NDST4: variants seen among roughly 807,000 people sequenced by gnomAD.
The protein encoded by NDST4 is N-deacetylase and N-sulfotransferase 4.
A neutral mutation model predicts 100.8 loss-of-function variants in NDST4; 63 were observed. The observed-to-expected ratio is 0.62, with a 90% CI of 0.51 to 0.77. NDST4 has a LOEUF of 0.77. NDST4 is among the 30% of genes least tolerant of loss of function. The pLI is 0.00. For missense variants in NDST4, 943 were observed against 1,018.4 expected (o/e 0.93, Z 1.01); for synonymous variants, 377 against 361.8 (o/e 1.04, Z -0.48).
At chr4:115,046,893 T>TA (rs1195803575) in intron 2 of NDST4, among the ~76,000 whole-genome samples, 1 of 152,110 alleles carries the variant, frequency 6.6e-6, no homozygotes, top group Non-Finnish European at 1.5e-5. Flanking sequence ...TATTAACTCT[T>TA]AAAAATGACT....
chr4:115,025,029 T>C (rs1578464287), intron 2 of NDST4, among the ~76,000 whole-genome samples: 1 of 152,214 alleles, frequency 6.6e-6, no homozygotes, highest in Admixed American at 6.5e-5. Flanking sequence ...ACAAAGGCCC[T>C]TAGCAGATGC....
intron 12 of NDST4, among the ~76,000 whole-genome samples, chr4:114,832,904 C>A (rs72679752): frequency 0.058 from 8,797 of 152,178 alleles, 324 homozygotes; most frequent in East Asian, 0.1. Context: ...CCATGCCAGT[C>A]CAGGATTCAG....
chr4:114,922,584 TTCCC>T (rs1471681935), intron 6 of NDST4, among the ~76,000 whole-genome samples: 1 of 152,160 alleles, frequency 6.6e-6, no homozygotes, highest in Non-Finnish European at 1.5e-5. Context: ...TTAACAAACG[TTCCC>T]TCCTGCTCTG....
intron 3 of NDST4, among the ~76,000 whole-genome samples, chr4:114,974,174 A>G (rs893922073): frequency 3.9e-5 from 6 of 152,048 alleles, no homozygotes; most frequent in Non-Finnish European, 7.4e-5. Flanking sequence ...AAATTTAAGT[A>G]AACTGTGTTC....
At chr4:114,917,501 C>T (rs1043288112) in intron 6 of NDST4, among the ~76,000 whole-genome samples, 2 of 151,820 alleles carry the variant, frequency 1.3e-5, no homozygotes, top group Admixed American at 6.6e-5. Flanking sequence ...ACAATAGGGA[C>T]TTTGGAACTC....
intron 6 of NDST4, among the ~76,000 whole-genome samples, chr4:114,872,451 TTGAA>T (rs1724168707): frequency 6.6e-6 from 1 of 152,136 alleles, no homozygotes; most frequent in Middle Eastern, 3.4e-3. Flanking sequence ...AGTTCGTTGT[TTGAA>T]TGCCCTTTTT....
chr4:115,055,613 A>C (rs191161801), intron 2 of NDST4, among the ~76,000 whole-genome samples: 7 of 152,174 alleles, frequency 4.6e-5, no homozygotes, highest in Admixed American at 3.3e-4. Flanking sequence ...GTCCAAATAG[A>C]TTTGGGGGCC....
chr4:115,074,052 T>C (rs1257222422), intron 2 of NDST4, among the ~76,000 whole-genome samples: 2 of 151,914 alleles, frequency 1.3e-5, no homozygotes, highest in African/African-American at 2.4e-5. Context: ...ATAAATATTA[T>C]ATATTACTCA....
intron 7 of NDST4, among the ~76,000 whole-genome samples, chr4:114,854,780 A>G (rs986112600): frequency 6.6e-6 from 1 of 152,138 alleles, no homozygotes; most frequent in African/African-American, 2.4e-5. Context: ...CTTTTTTAGA[A>G]TATTTTTAAT....
chr4:114,852,905 A>C, intron 7 of NDST4, 84 bp from the exon 8 acceptor site: 1 of 903,168 alleles, frequency 1.1e-6, no homozygotes, highest in Non-Finnish European at 1.7e-6. Context: ...GATGGAATCA[A>C]ATTCTGGCCT....
In NDST4 at chr4:114,944,123, A is replaced by G. The variant is rs571428285; in HGVS notation, c.1222-6620T>C. On this transcript the variant is annotated intron_variant, in intron 4 of 13. Transcript: ENST00000264363. Reference sequence around the variant, plus strand: ...AAGTGGCCTGTCCATTACCACTGCCACCTCTTTCCACCCTGCTCTATAATT... The same window carrying G: ...AAGTGGCCTGTCCATTACCACTGCCGCCTCTTTCCACCCTGCTCTATAATT... Among the ~76,000 whole-genome samples the G allele has an allele frequency of 3.9e-5, 6 of 152,188 alleles. No homozygotes were observed. In the East Asian group the frequency reaches 1.2e-3, roughly 29 times the overall value.
chr4:114,913,732 A>G (rs1009622245), intron 6 of NDST4, among the ~76,000 whole-genome samples: 15 of 21,162 alleles, frequency 7.1e-4, no homozygotes, highest in Non-Finnish European at 1.0e-4. Context: ...TATCTCCAAG[A>G]AAAAAAAAAA....
chr4:115,094,393 T>C (rs942281360), intron 1 of NDST4, among the ~76,000 whole-genome samples: 1 of 152,070 alleles, frequency 6.6e-6, no homozygotes, highest in African/African-American at 2.4e-5. Context: ...GTAATAGCTG[T>C]CAACCTTATT....
At chr4:115,041,642 T>C (rs1268503612) in intron 2 of NDST4, among the ~76,000 whole-genome samples, 1 of 152,108 alleles carries the variant, frequency 6.6e-6, no homozygotes, top group African/African-American at 2.4e-5. Flanking sequence ...GAAGTTAATT[T>C]AATCACAGAC....
intron 10 of NDST4, among the ~76,000 whole-genome samples, chr4:114,844,727 G>A (rs760879502): frequency 7.9e-5 from 12 of 152,130 alleles, no homozygotes; most frequent in Non-Finnish European, 1.8e-4. Flanking sequence ...ACAGTTAAAT[G>A]TTGCTGCAGA....
chr4:115,024,165 T>C (rs937586355), intron 2 of NDST4, among the ~76,000 whole-genome samples: 4 of 152,066 alleles, frequency 2.6e-5, no homozygotes, highest in Non-Finnish European at 5.9e-5. Context: ...ACTAGGAAAA[T>C]GCCCAGCAAA....
chr4:114,890,761 T>C (rs1031776350), intron 6 of NDST4, among the ~76,000 whole-genome samples: 1 of 152,124 alleles, frequency 6.6e-6, no homozygotes, highest in Non-Finnish European at 1.5e-5. Context: ...GAATTTTTCC[T>C]ATTAATTAAC....
intron 2 of NDST4, among the ~76,000 whole-genome samples, chr4:114,985,382 A>G (rs756836914): frequency 6.6e-6 from 1 of 152,164 alleles, no homozygotes; most frequent in Non-Finnish European, 1.5e-5. Flanking sequence ...CATTCAAACA[A>G]TATTAATTGG....
chr4:114,846,198 G>A (rs1723547108), intron 9 of NDST4, among the ~76,000 whole-genome samples: 1 of 152,130 alleles, frequency 6.6e-6, no homozygotes, highest in Admixed American at 6.6e-5. Flanking sequence ...CCCATTTTGG[G>A]CATGGGAAGG....
Sources: gnomAD v4.1 joint callset for allele counts (sites outside exome capture counted in the v4.1 genomes callset) on GRCh38, gnomAD v4.1.1 for gene constraint, MANE v1.5 for transcripts, NCBI Gene and HGNC (gene_info 2026-07-23, HGNC 2026-07-21) for gene names.